Variants in CIMIP4 observed in about 807,000 individuals in gnomAD.
CIMIP4 encodes the protein ciliary microtubule inner protein 4, also known as protein EAN57.
At chr22:36,994,307 T>C in the CIMIP4 span, among the ~76,000 whole-genome samples, 1 of 151,320 alleles carries the variant, frequency 6.6e-6, no homozygotes. Context: ...ACCCAAGAGA[T>C]TGTTATTATT....
At chr22:37,003,725 A>T in the CIMIP4 span, among the ~76,000 whole-genome samples, 1 of 152,188 alleles carries the variant, frequency 6.6e-6, no homozygotes, top group African/African-American at 2.4e-5. Context: ...CTCAGGATGG[A>T]GACCATATCG....
chr22:37,002,515 G>A, the CIMIP4 span, among the ~76,000 whole-genome samples: 1 of 152,010 alleles, frequency 6.6e-6, no homozygotes, highest in Admixed American at 6.6e-5. Flanking sequence ...CACAATGGGA[G>A]AAGAGAGGCC....
chr22:37,003,086 G>T, the CIMIP4 span, among the ~76,000 whole-genome samples: 1 of 152,216 alleles, frequency 6.6e-6, no homozygotes, highest in African/African-American at 2.4e-5. Context: ...CCTCTTAAAA[G>T]ATACATAAGG....
chr22:36,996,975 T>C, the CIMIP4 span, among the ~76,000 whole-genome samples: 6 of 152,248 alleles, frequency 3.9e-5, no homozygotes, highest in South Asian at 4.1e-4. Flanking sequence ...AAAGAAGGAA[T>C]TGAAAATGAA....
chr22:36,991,224 T>C, the CIMIP4 span: 1 of 1,614,194 alleles, frequency 6.2e-7, no homozygotes, highest in South Asian at 1.1e-5. Context: ...CATATTTCTC[T>C]TCCAGTGCTT....
At chr22:36,991,663 GTGTC>G in the CIMIP4 span, 1 of 1,231,100 alleles carries the variant, frequency 8.1e-7, no homozygotes, top group Non-Finnish European at 1.2e-6. Context: ...CTTATATTGG[GTGTC>G]AGTTTCCTCT....
At chr22:36,999,879 A>G in the CIMIP4 span, 1 of 1,613,984 alleles carries the variant, frequency 6.2e-7, no homozygotes, top group South Asian at 1.1e-5. Context: ...CCGAGGTCAT[A>G]GTAGTCTGAG....
the CIMIP4 span, among the ~76,000 whole-genome samples, chr22:36,995,950 C>T: frequency 6.6e-6 from 1 of 152,088 alleles, no homozygotes; most frequent in African/African-American, 2.4e-5. Flanking sequence ...GTTTTTCCTG[C>T]TTATAGACAC....
the CIMIP4 span, among the ~76,000 whole-genome samples, chr22:36,994,694 A>G: frequency 0.12 from 17,319 of 144,604 alleles, 1,198 homozygotes; most frequent in Non-Finnish European, 0.16. Flanking sequence ...GCAGTGGCGC[A>G]ATCTCGGCTC....
the CIMIP4 span, among the ~76,000 whole-genome samples, chr22:36,992,658 T>C: frequency 2.0e-5 from 3 of 152,182 alleles, no homozygotes. Context: ...ATTTATAAAC[T>C]AAGTTCTCTT....
At chr22:36,996,329 C>T in the CIMIP4 span, among the ~76,000 whole-genome samples, 205 of 151,862 alleles carry the variant, frequency 1.3e-3, no homozygotes, top group African/African-American at 4.2e-3. Flanking sequence ...CTGCATAAAG[C>T]TTCTGGATAC....
At chr22:37,003,306 T>G in the CIMIP4 span, among the ~76,000 whole-genome samples, 1 of 152,148 alleles carries the variant, frequency 6.6e-6, no homozygotes, top group Non-Finnish European at 1.5e-5. Context: ...GGCATTCAGG[T>G]CATTGGAGGA....
the CIMIP4 span, among the ~76,000 whole-genome samples, chr22:37,002,726 G>A: frequency 4.6e-5 from 7 of 152,116 alleles, no homozygotes; most frequent in Admixed American, 3.3e-4. Context: ...CTCACTCTCC[G>A]CAGTGAGAAT....
chr22:36,996,899 G>C, the CIMIP4 span, among the ~76,000 whole-genome samples: 1 of 152,228 alleles, frequency 6.6e-6, no homozygotes, highest in African/African-American at 2.4e-5. Context: ...AAGTACCACT[G>C]CAGGTCACCG....
At chr22:36,994,922 G>T in the CIMIP4 span, among the ~76,000 whole-genome samples, 1 of 152,174 alleles carries the variant, frequency 6.6e-6, no homozygotes, top group African/African-American at 2.4e-5. Flanking sequence ...GAGCCACTGC[G>T]CCCGGCCTGG....
the CIMIP4 span, among the ~76,000 whole-genome samples, chr22:36,998,777 A>G: frequency 6.6e-6 from 1 of 152,178 alleles, no homozygotes; most frequent in South Asian, 2.1e-4. Context: ...TGTAAATGTC[A>G]GAGCCTCCAA....
At chr22:36,992,601 G>C in the CIMIP4 span, among the ~76,000 whole-genome samples, 1 of 152,106 alleles carries the variant, frequency 6.6e-6, no homozygotes, top group Admixed American at 6.5e-5. Flanking sequence ...AGACAAGATC[G>C]GCTATGTATT....
chr22:37,002,074 C>T, the CIMIP4 span: 1 of 1,603,826 alleles, frequency 6.2e-7, no homozygotes, highest in Non-Finnish European at 8.5e-7. Context: ...GGTCCATGCC[C>T]AGAGAATCCC....
At chr22:36,991,418 G>T in the CIMIP4 span, 2 of 1,580,796 alleles carry the variant, frequency 1.3e-6, no homozygotes, top group South Asian at 1.1e-5. Flanking sequence ...GACCCTTAGA[G>T]CCAACACACC....
Sources: allele counts gnomAD v4.1 joint callset (sites outside exome capture counted in the v4.1 genomes callset), GRCh38; gene constraint gnomAD v4.1.1; transcripts MANE v1.5; gene names NCBI Gene and HGNC (gene_info 2026-07-23, HGNC 2026-07-21).